Variants in SLFN12 observed in about 807,000 individuals in gnomAD.
SLFN12 encodes the protein ribonuclease SLFN12.
Under a neutral mutation model 29.1 loss-of-function variants are expected in SLFN12, and 25 were observed. The ratio of observed to expected loss-of-function variants is 0.86; its 90% confidence interval spans 0.63 to 1.20. The LOEUF (loss-of-function observed/expected upper bound fraction) is 1.20, where lower values mean the gene tolerates loss of function less well. Ranked by LOEUF, SLFN12 falls within the 50% of genes most tolerant of loss-of-function variation. The pLI is 0.00. For synonymous variants in SLFN12, 257 were observed against 238.7 expected, an observed-to-expected ratio of 1.08 and a Z score of -0.71; for missense variants, 660 against 666.2, an observed-to-expected ratio of 0.99 and a Z score of 0.10.
In SLFN12 at chr17:35,422,924, T is replaced by A; in HGVS notation, c.105A>T (p.Lys35Asn). 4 of 1,613,946 alleles carry A rather than the reference T, an allele frequency of 2.5e-6. No homozygotes were observed. The highest frequency in any genetic ancestry group is 3.4e-6 in the Non-Finnish European group (4 of 1,179,992). ...CACTTTCATTCTGCTTTTTTCTCAG[T>A]TTACAATCCTTCATTTTTTTCCTAC... is the stretch of plus-strand genomic sequence containing the variant. Reference protein sequence around the residue: ...ENSRKKMKDCKLRKKQNESVS... With the variant: ...ENSRKKMKDCNLRKKQNESVS... The change falls in exon 2 of 4, where the codon AAA (lysine) becomes AAT (asparagine). Residue 35 changes from lysine (K) to asparagine (N), a missense_variant. Physicochemically the swap from Lys to Asn is moderately conservative, Grantham distance 94. Coordinates refer to ENST00000304905, the MANE Select transcript of SLFN12 (RefSeq NM_018042.5).
intron 3 of SLFN12, among the ~76,000 whole-genome samples, chr17:35,414,996 A>T (rs920720659): frequency 6.7e-6 from 1 of 150,192 alleles, no homozygotes; most frequent in South Asian, 2.1e-4. Flanking sequence ...CATTCTTCGC[A>T]GAACTAGAAA....
chr17:35,424,954 A>C (rs955472771), intron 1 of SLFN12, among the ~76,000 whole-genome samples: 1 of 152,154 alleles, frequency 6.6e-6, no homozygotes, highest in African/African-American at 2.4e-5. Flanking sequence ...TCACATACTT[A>C]TCATTTTTTG....
At chr17:35,415,123 G>C (rs1261686623) in intron 3 of SLFN12, among the ~76,000 whole-genome samples, 1 of 151,578 alleles carries the variant, frequency 6.6e-6, no homozygotes, top group African/African-American at 2.4e-5. Context: ...ATGCTACAAA[G>C]CTATAGTTAC....
At chr17:35,414,218 A>G (rs756139156) in intron 3 of SLFN12, among the ~76,000 whole-genome samples, 16 of 152,144 alleles carry the variant, frequency 1.1e-4, no homozygotes, top group Admixed American at 2.0e-4. Flanking sequence ...GTGAACTTAT[A>G]TATAGAAAAC....
intron 3 of SLFN12, among the ~76,000 whole-genome samples, 195 bp downstream of exon 3, chr17:35,420,079 G>A (rs749873640): frequency 5.3e-5 from 8 of 152,138 alleles, no homozygotes; most frequent in Non-Finnish European, 1.0e-4. Flanking sequence ...AAACGAGTTT[G>A]TATTGCACCA....
intron 1 of SLFN12, among the ~76,000 whole-genome samples, chr17:35,431,365 A>G (rs1215149796): frequency 6.6e-6 from 1 of 152,196 alleles, no homozygotes; most frequent in African/African-American, 2.4e-5. Flanking sequence ...AACCCTGCTT[A>G]GAACAGCAGC....
chr17:35,421,323 A>G lies in SLFN12; in HGVS notation c.1039+667T>C, dbSNP rs116686358. On this transcript the variant is annotated intron_variant, in intron 2 of 3. Coordinates refer to ENST00000304905, the MANE Select transcript of SLFN12 (RefSeq NM_018042.5). ...GAGGCAAATGTTCCTGAAAGAAAGC[A>G]ATGGTTACTTACTGAAATAGAGCTC... Among the ~76,000 whole-genome samples the G allele has an allele frequency of 4.4e-3, 675 of 151,796 alleles. 4 individuals are homozygous for G. The highest frequency in any genetic ancestry group is 0.015 in the African/African-American group (642 of 41,528).
Position 35,411,595 on chromosome 17 carries a change from T to C in SLFN12, c.1480A>G (p.Met494Val). Reference sequence around the variant, plus strand: ...GGGCTCAAGTAGAAGATCTTTGTCATGACACACACTTTTTTAGTGTAACCA... The same window carrying C: ...GGGCTCAAGTAGAAGATCTTTGTCACGACACACACTTTTTTAGTGTAACCA... ...IGGYTKKVCV[M>V]TKIFYLSPEG... The change falls in exon 4 of 4, where the codon ATG becomes GTG. Residue 494 changes from methionine to valine, a missense_variant. Physicochemically the swap from Met to Val is conservative, Grantham distance 21. Transcript: ENST00000304905. The C allele has an allele frequency of 6.2e-7, 1 of 1,614,096 alleles. No individual in the cohort carries two copies. The highest frequency in any genetic ancestry group is 8.5e-7 in the Non-Finnish European group (1 of 1,180,008).
intron 3 of SLFN12, 117 bp from the exon 4 acceptor site, chr17:35,412,044 T>C (rs770233404): frequency 1.7e-5 from 12 of 711,950 alleles, no homozygotes; most frequent in Non-Finnish European, 2.6e-5. Context: ...AAAAGTTGTA[T>C]AAAATATATT....
chr17:35,422,439 G>T lies in SLFN12; in HGVS notation c.590C>A (p.Thr197Asn), dbSNP rs755740215. Reference protein sequence around the residue: ...RTELDRKEKLTFTESTHVEIK... With the variant: ...RTELDRKEKLNFTESTHVEIK... ...TTCAACATGTGTGGATTCAGTAAAG[G>T]TCAATTTTTCTTTCCGATCAAGTTC... Residue 197 changes from threonine (T) to asparagine (N), a missense_variant, in exon 2 of 4, where the codon ACC (threonine) becomes AAC (asparagine). Transcript: ENST00000304905. 1.9e-6 allele frequency: 3 copies of T among 1,612,722 alleles called. No homozygotes were observed. Among genetic ancestry groups the T allele is most frequent in the South Asian group, 2.2e-5 (2 of 90,566 alleles).
rs199661197 is a variant in SLFN12 at position 35,422,812 on chromosome 17, C to T, written c.217G>A (p.Asp73Asn). ...TTTTCCAAATCTAGTCCTATTCCAT[C>T]TTTTGTATAACTATAGTCTTCATTC... is the stretch of plus-strand genomic sequence containing the variant. ...IENEDYSYTKDGIGLDLENSF... is the reference protein window; with the variant it reads ...IENEDYSYTKNGIGLDLENSF... The change falls in exon 2 of 4, where the codon GAT (aspartate) becomes AAT (asparagine). Residue 73 changes from aspartate (D) to asparagine (N), a missense_variant. Transcript: ENST00000304905. 1.2e-6 allele frequency: 2 copies of T among 1,613,724 alleles called. No homozygotes were observed. Among genetic ancestry groups the T allele is most frequent in the East Asian group, 4.5e-5 (2 of 44,882 alleles).
intron 1 of SLFN12, among the ~76,000 whole-genome samples, chr17:35,427,301 T>C (rs1260901113): frequency 6.6e-6 from 1 of 152,144 alleles, no homozygotes; most frequent in Non-Finnish European, 1.5e-5. Flanking sequence ...TTCAGCCAGT[T>C]TTGGGTTGCT....
At chr17:35,420,429 CAACT>C (rs1217123512) in intron 2 of SLFN12, 48 bp from the exon 3 acceptor site, 3 of 1,201,568 alleles carry the variant, frequency 2.5e-6, no homozygotes, top group African/African-American at 3.0e-5. Context: ...AGGGAGACCC[CAACT>C]AACTAATGCA....
chr17:35,421,535 T>TTC (rs1911648107), intron 2 of SLFN12, among the ~76,000 whole-genome samples: 1 of 82,658 alleles, frequency 1.2e-5, no homozygotes, highest in Non-Finnish European at 2.3e-5. Flanking sequence ...GGCAGGGAAC[T>TTC]TTTTTTTTTT....
At chr17:35,419,399 T>G (rs1911497884) in intron 3 of SLFN12, among the ~76,000 whole-genome samples, 1 of 151,978 alleles carries the variant, frequency 6.6e-6, no homozygotes, top group Non-Finnish European at 1.5e-5. Flanking sequence ...TATTCTAGAA[T>G]CTCTAAATTA....
chr17:35,426,545 C>G (rs1207300857), intron 1 of SLFN12, among the ~76,000 whole-genome samples: 5 of 152,076 alleles, frequency 3.3e-5, no homozygotes, highest in Non-Finnish European at 7.4e-5. Context: ...AAATCTTTGT[C>G]TAATATGTCT....
rs58492425 is a variant in SLFN12 at position 35,425,838 on chromosome 17, C to CTTTTTTTTTTTTTTTTTTTTTTT, written c.-40-2793_-40-2771dup. Among the ~76,000 whole-genome samples, 35 of 39,144 alleles carry CTTTTTTTTTTTTTTTTTTTTTTT rather than the reference C, an allele frequency of 8.9e-4. 5 individuals carry two copies. Among genetic ancestry groups the CTTTTTTTTTTTTTTTTTTTTTTT allele is most frequent in the African/African-American group, 1.8e-3 (16 of 8,962 alleles). The allele number at this position is 39,144 out of a possible 152,430, so 25.7% of individuals were successfully genotyped here. A position where few individuals can be genotyped will look rare whatever the true frequency, so the allele number is the denominator to read the frequency against. On this transcript the variant is annotated intron_variant, in intron 1 of 3. Coordinates refer to ENST00000304905, the MANE Select transcript of SLFN12 (RefSeq NM_018042.5). Reference sequence around the variant, plus strand: ...GGTTCTTTTTCTTTTCTTTTCTTTTCTTTTTTTTTTTTTTTTTTTTTTTTT... The same window carrying CTTTTTTTTTTTTTTTTTTTTTTT: ...GGTTCTTTTTCTTTTCTTTTCTTTTCTTTTTTTTTTTTTTTTTTTTTTTTTTTTTTTTTTTTTTTTTTTTTTTT...
At chr17:35,417,835 C>T (rs1054711338) in intron 3 of SLFN12, among the ~76,000 whole-genome samples, 1 of 151,212 alleles carries the variant, frequency 6.6e-6, no homozygotes, top group Non-Finnish European at 1.5e-5. Context: ...TAGCAATAAA[C>T]AAGAAAATGG....
At chr17:35,427,804 G>A (rs1320398406) in intron 1 of SLFN12, among the ~76,000 whole-genome samples, 1 of 152,054 alleles carries the variant, frequency 6.6e-6, no homozygotes, top group African/African-American at 2.4e-5. Context: ...CTAGAATCTT[G>A]ACTCAGTTAT....
Sources: gnomAD v4.1 joint callset for allele counts (sites outside exome capture counted in the v4.1 genomes callset) on GRCh38, gnomAD v4.1.1 for gene constraint, MANE v1.5 for transcripts, NCBI Gene and HGNC (gene_info 2026-07-23, HGNC 2026-07-21) for gene names.